The following ADAMTS9 variants were observed in gnomAD, a reference collection of about 807,000 sequenced individuals.
ADAMTS9 encodes the protein A disintegrin and metalloproteinase with thrombospondin motifs 9.
Under a neutral mutation model 257.1 loss-of-function variants are expected in ADAMTS9, and 107 were observed. The observed-to-expected ratio is 0.42, with a 90% CI of 0.36 to 0.49. The LOEUF is 0.49. ADAMTS9 is among the 20% of genes least tolerant of loss of function. The pLI, the probability that ADAMTS9 is intolerant of heterozygous loss-of-function variation, is 0.03. For synonymous variants in ADAMTS9, 982 were observed against 880.9 expected (o/e 1.11, Z -2.03); for missense variants, 2,353 against 2,469.1 (o/e 0.95, Z 1.00).
chr3:64,582,558 A>C (rs2084033489), intron 28 of ADAMTS9: 1 of 152,144 alleles, frequency 6.6e-6, no homozygotes. Context: ...AATTCATAGA[A>C]CTACCTGGCA....
intron 32 of ADAMTS9, among the ~76,000 whole-genome samples, chr3:64,544,517 G>T (rs1300804273): frequency 6.6e-6 from 1 of 152,172 alleles, no homozygotes; most frequent in Non-Finnish European, 1.5e-5. Context: ...ATGGGGAAAG[G>T]ATTCCCTATT....
intron 10 of ADAMTS9, among the ~76,000 whole-genome samples, 181 bp downstream of exon 10, chr3:64,649,452 CTATT>C (rs1700877001): frequency 6.6e-6 from 1 of 152,150 alleles, no homozygotes; most frequent in African/African-American, 2.4e-5. Flanking sequence ...AGGTAAAGCA[CTATT>C]TAACACTGAG....
chr3:64,637,551 G>A (rs1432243282), intron 12 of ADAMTS9, among the ~76,000 whole-genome samples: 1 of 152,210 alleles, frequency 6.6e-6, no homozygotes, highest in Non-Finnish European at 1.5e-5. Flanking sequence ...TTTTGCAGAG[G>A]TCATCACAGG....
chr3:64,673,970 T>C (rs1230460143), intron 3 of ADAMTS9, among the ~76,000 whole-genome samples: 2 of 152,032 alleles, frequency 1.3e-5, no homozygotes, highest in Non-Finnish European at 2.9e-5. Context: ...AAAATGATAA[T>C]TTTTAAAAAA....
chr3:64,552,101 G>A (rs375276895), intron 30 of ADAMTS9, among the ~76,000 whole-genome samples: 4 of 152,196 alleles, frequency 2.6e-5, no homozygotes, highest in African/African-American at 9.7e-5. Context: ...TAGGTAGTGA[G>A]ATTTAACAAT....
In ADAMTS9 at chr3:64,639,298, T is replaced by TTTG. The variant is rs1559805061; in HGVS notation, c.1856+2549_1856+2550insCAA. 2.8e-5 allele frequency among the ~76,000 whole-genome samples: 4 copies of TTTG among 144,150 alleles called. No individual in the cohort carries two copies. In the East Asian group the frequency reaches 8.1e-4, roughly 29 times the overall value. 94.6% of individuals were successfully genotyped at this position (144,150 alleles called of 152,430 possible). ...GACACTCAACTAGGTGGATTGTTTT[T>TTTG]TTTTTTTTTTTTTTAAAAAAAAAAA... On this transcript the variant is annotated intron_variant, in intron 12 of 39. Coordinates refer to ENST00000498707, the MANE Select transcript of ADAMTS9 (RefSeq NM_182920.2).
chr3:64,682,770 G>T (rs112647600), intron 2 of ADAMTS9, among the ~76,000 whole-genome samples: 2 of 152,182 alleles, frequency 1.3e-5, no homozygotes, highest in African/African-American at 4.8e-5. Flanking sequence ...TAGGGGTAGG[G>T]CCCAAGAATT....
At chr3:64,582,567 C>A (rs182250864) in intron 28 of ADAMTS9, 4 of 152,082 alleles carry the variant, frequency 2.6e-5, no homozygotes, top group African/African-American at 9.7e-5. Context: ...AACTACCTGG[C>A]AGAAAAGGAA....
In ADAMTS9 at chr3:64,641,788, C is replaced by A. The variant is rs572282017; in HGVS notation, c.1856+60G>T. ...TACTCTTCACCCACCAAATTATTCC[C>A]TTTAGGAATTTCATGTTCCTGCCAC... is the stretch of plus-strand genomic sequence containing the variant. On this transcript the variant is annotated intron_variant, in intron 12 of 39. Coordinates refer to ENST00000498707, the MANE Select transcript of ADAMTS9 (RefSeq NM_182920.2). 1.1e-4 allele frequency: 179 copies of A among 1,596,364 alleles called. 2 individuals are homozygous for A. In the African/African-American group the frequency reaches 2.2e-3, roughly 20 times the overall value.
At chr3:64,605,034 T>C (rs953809475) in intron 23 of ADAMTS9, among the ~76,000 whole-genome samples, 2 of 152,248 alleles carry the variant, frequency 1.3e-5, no homozygotes, top group Admixed American at 6.5e-5. Context: ...GAGTGTGCTG[T>C]ACACAGTGCA....
chr3:64,654,722 G>A, intron 6 of ADAMTS9, 110 bp from the exon 7 acceptor site: 1 of 1,271,250 alleles, frequency 7.9e-7, no homozygotes, highest in Non-Finnish European at 1.1e-6. Context: ...TTTGGGGTGG[G>A]GGTTAAAAAA....
chr3:64,595,195 G>A (rs141222181), intron 27 of ADAMTS9, among the ~76,000 whole-genome samples: 18 of 152,294 alleles, frequency 1.2e-4, no homozygotes, highest in African/African-American at 4.1e-4. Context: ...ATCCTTGGCT[G>A]TTCTCTGACT....
At position 64,686,522 on chromosome 3, in the gene ADAMTS9, G is replaced by C. The variant is rs747434056; in HGVS notation, c.516+46C>G. The C allele has an allele frequency of 1.3e-6, 2 of 1,533,794 alleles. No individual in the cohort carries two copies. The highest frequency in any genetic ancestry group is 1.8e-6 in the Non-Finnish European group (2 of 1,138,674). On this transcript the variant is annotated intron_variant, in intron 2 of 39. Coordinates refer to ENST00000498707, the MANE Select transcript of ADAMTS9 (RefSeq NM_182920.2). This position sits in a 1 kb window ranked among gnomAD's most constrained non-coding sequence, Gnocchi z 4.6. The stretch of plus-strand genomic sequence containing the variant: ...GAGGACAATTAAGTCTTCTAGAAGC[G>C]GGCGAGGAGGCGGAAGGGGAGAGGA...
At chr3:64,660,869 A>T (rs918648329) in intron 3 of ADAMTS9, among the ~76,000 whole-genome samples, 1 of 152,202 alleles carries the variant, frequency 6.6e-6, no homozygotes, top group Non-Finnish European at 1.5e-5. Context: ...ATAAGAACAA[A>T]TCTTCCCTCT....
At chr3:64,612,341 A>T (rs2084680846) in intron 22 of ADAMTS9, among the ~76,000 whole-genome samples, 1 of 152,162 alleles carries the variant, frequency 6.6e-6, no homozygotes, top group Non-Finnish European at 1.5e-5. Flanking sequence ...TCCTCCTCTT[A>T]TTATTCCCTA....
At chr3:64,579,432 T>A (rs1216412284) in intron 28 of ADAMTS9, among the ~76,000 whole-genome samples, 1 of 152,206 alleles carries the variant, frequency 6.6e-6, no homozygotes, top group Admixed American at 6.5e-5. Flanking sequence ...CTATCTCCTA[T>A]CCTTCTTCCC....
At chr3:64,570,695 C>CAAAAA (rs143048322) in intron 28 of ADAMTS9, among the ~76,000 whole-genome samples, 5 of 47,064 alleles carry the variant, frequency 1.1e-4, no homozygotes, top group African/African-American at 2.0e-4. Flanking sequence ...GACTCCGTCT[C>CAAAAA]AAAAAAAAAA....
chr3:64,687,394 G>T lies in ADAMTS9; in HGVS notation c.115+149C>A. On this transcript the variant is annotated intron_variant, in intron 1 of 39. Coordinates refer to ENST00000498707, the MANE Select transcript of ADAMTS9 (RefSeq NM_182920.2). The surrounding 1 kb of genome is among the most constrained non-coding windows in gnomAD (Gnocchi z 4.4). ...CCCTCCCTAGCAATTGGTTGGGGAT[G>T]ACCCAAAGAAGGGAGAGGCTGCAAA... The T allele has an allele frequency of 1.4e-6, 1 of 709,606 alleles. No homozygotes were observed. The highest frequency in any genetic ancestry group is 2.2e-6 in the Non-Finnish European group (1 of 450,732). 44.0% of individuals were successfully genotyped at this position (709,606 alleles called of 1,614,324 possible).
intron 3 of ADAMTS9, among the ~76,000 whole-genome samples, chr3:64,668,259 G>A (rs1186946451): frequency 2.0e-5 from 3 of 152,224 alleles, no homozygotes; most frequent in African/African-American, 7.2e-5. Flanking sequence ...AACGTCAAAA[G>A]GAACAGATGA....
Sources: gnomAD v4.1 joint callset for allele counts (sites outside exome capture counted in the v4.1 genomes callset) on GRCh38, gnomAD v4.1.1 for gene constraint, Gnocchi (gnomAD v3.1) non-coding constraint, MANE v1.5 for transcripts, NCBI Gene and HGNC (gene_info 2026-07-23, HGNC 2026-07-21) for gene names.